Variants in CACNA1G observed in about 807,000 individuals in gnomAD.
The protein encoded by CACNA1G is calcium voltage-gated channel subunit alpha1 G, also known as voltage-dependent T-type calcium channel subunit alpha-1G.
A neutral mutation model predicts 219.4 loss-of-function variants in CACNA1G; 67 were observed. The observed-to-expected ratio is 0.31, with a 90% CI of 0.25 to 0.37. The LOEUF (loss-of-function observed/expected upper bound fraction) is 0.37, where lower values mean the gene tolerates loss of function less well. Ranked by LOEUF, CACNA1G falls within the 10% of genes least tolerant of loss-of-function variation. The pLI is 1.00. For missense variants in CACNA1G, 2,380 were observed against 3,231.4 expected (o/e 0.74, Z 6.39); for synonymous variants, 1,296 against 1,345.3 (o/e 0.96, Z 0.80).
intron 9 of CACNA1G, among the ~76,000 whole-genome samples, chr17:50,585,248 C>T (rs1381222624): frequency 5.9e-5 from 9 of 152,258 alleles, no homozygotes; most frequent in Middle Eastern, 6.8e-3. Flanking sequence ...TGGGCTCAAG[C>T]GATCCTCCCA....
Position 50,624,342 on chromosome 17 carries a change from GC to G in CACNA1G, c.6230-17del. ...CATTCTCTCCCCCCACCCCTCCCCCGCTTCCCTCCCTCCACAGGCTCCGTCT... is the reference window on the plus strand; with the variant it reads ...CATTCTCTCCCCCCACCCCTCCCCCGTTCCCTCCCTCCACAGGCTCCGTCT... On this transcript the variant is annotated splice_polypyrimidine_tract_variant and intron_variant, in intron 36 of 37. Coordinates refer to ENST00000359106, the MANE Select transcript of CACNA1G (RefSeq NM_018896.5). 1.4e-6 allele frequency: 1 copy of G among 693,012 alleles called. No homozygotes were observed. The allele number at this position is 693,012 out of a possible 1,614,324, so 42.9% of individuals were successfully genotyped here. A position where few individuals can be genotyped will look rare whatever the true frequency, so the allele number is the denominator to read the frequency against.
At chr17:50,581,126 C>T (rs949681803) in intron 9 of CACNA1G, among the ~76,000 whole-genome samples, 7 of 151,164 alleles carry the variant, frequency 4.6e-5, no homozygotes, top group East Asian at 2.0e-4. Context: ...AAGAGAGACG[C>T]GCAGGCAGGG....
chr17:50,589,934 G>C (rs1329084965), intron 9 of CACNA1G, among the ~76,000 whole-genome samples: 1 of 151,786 alleles, frequency 6.6e-6, no homozygotes, highest in Non-Finnish European at 1.5e-5. Flanking sequence ...GTGTGTGTGT[G>C]TGTGTGTGTG....
At chr17:50,570,401 C>T (rs1370178300) in intron 4 of CACNA1G, among the ~76,000 whole-genome samples, 2 of 152,186 alleles carry the variant, frequency 1.3e-5, no homozygotes, top group African/African-American at 2.4e-5. Context: ...ATACTGCCCC[C>T]TCCCTTTGCT....
At chr17:50,588,013 A>G (rs879708871) in intron 9 of CACNA1G, among the ~76,000 whole-genome samples, 3 of 152,294 alleles carry the variant, frequency 2.0e-5, no homozygotes, top group Non-Finnish European at 2.9e-5. Flanking sequence ...GAGTAAATAC[A>G]TGACATCAAA....
At chr17:50,606,784 C>T (rs2048056682) in intron 23 of CACNA1G, 116 bp from the exon 24 acceptor site, 4 of 728,884 alleles carry the variant, frequency 5.5e-6, no homozygotes, top group Non-Finnish European at 1.0e-5. Context: ...TCCAGCTTGA[C>T]CCCTCAAGGG....
intron 10 of CACNA1G, 43 bp from the exon 11 acceptor site, chr17:50,591,392 G>A: frequency 6.8e-7 from 1 of 1,481,288 alleles, no homozygotes; most frequent in Non-Finnish European, 9.0e-7. Flanking sequence ...TAGGGGGAGA[G>A]GGTGAAGGTG....
At chr17:50,595,370 C>G (rs912927950) in intron 14 of CACNA1G, among the ~76,000 whole-genome samples, 1 of 152,242 alleles carries the variant, frequency 6.6e-6, no homozygotes, top group African/African-American at 2.4e-5. Flanking sequence ...GTGTGTGGGG[C>G]ACCCCGTGTG....
chr17:50,601,248 G>A, intron 19 of CACNA1G, 74 bp downstream of exon 19: 1 of 1,564,664 alleles, frequency 6.4e-7, no homozygotes, highest in Non-Finnish European at 8.7e-7. Flanking sequence ...GAGGCAAGGA[G>A]GCCACAGTTG....
Position 50,595,062 on chromosome 17 carries a change from G to T in CACNA1G, c.2979+1G>T, listed in dbSNP as rs1270287011. 4 of 1,552,206 alleles carry T rather than the reference G, an allele frequency of 2.6e-6. No homozygotes were observed. Among genetic ancestry groups the T allele is most frequent in the Non-Finnish European group, 2.6e-6 (3 of 1,147,518 alleles). ...TCAGCTGCCTGTCGACTCCCAGGGG[G>T]TAGGTACGCGATCATGAGCCGGCAT... On this transcript the variant is annotated splice_donor_variant, in intron 14 of 37. Transcript: ENST00000359106. LOFTEE classifies it high-confidence loss of function.
intron 7 of CACNA1G, among the ~76,000 whole-genome samples, chr17:50,574,055 G>A (rs1195959238): frequency 6.6e-6 from 1 of 152,188 alleles, no homozygotes; most frequent in Non-Finnish European, 1.5e-5. Context: ...AACATCTGCT[G>A]CCTGTTTAAT....
rs1437843776 is a variant in CACNA1G at position 50,621,808 on chromosome 17, G to A, written c.6060+14G>A. The A allele has an allele frequency of 6.2e-7, 1 of 1,612,766 alleles. No individual in the cohort carries two copies. Among genetic ancestry groups the A allele is most frequent in the African/African-American group, 1.3e-5 (1 of 74,910 alleles). On this transcript the variant is annotated intron_variant, in intron 35 of 37. Coordinates refer to ENST00000359106, the MANE Select transcript of CACNA1G (RefSeq NM_018896.5). The surrounding 1 kb of genome is among the most constrained non-coding windows in gnomAD (Gnocchi z 4.6). ...CTGGAGAGCAATGTACATACACACTGCCCTCACTGCTCCCGGCCACCCCCG... is the reference window on the plus strand; with the variant it reads ...CTGGAGAGCAATGTACATACACACTACCCTCACTGCTCCCGGCCACCCCCG...
rs191536113 is a variant in CACNA1G at position 50,600,157 on chromosome 17, C to A, written c.3690+298C>A. Among the ~76,000 whole-genome samples the A allele has an allele frequency of 6.6e-6, 1 of 152,252 alleles. No homozygotes were observed. Among genetic ancestry groups the A allele is most frequent in the Admixed American group, 6.5e-5 (1 of 15,308 alleles). On this transcript the variant is annotated intron_variant, in intron 17 of 37. Transcript: ENST00000359106. The surrounding 1 kb of genome is among the most constrained non-coding windows in gnomAD (Gnocchi z 4.1). ...CCCCCTGTGACTCAGAAAGACCCAT[C>A]ACTCATCTCTCCAAACTGATGCCCC... is the stretch of plus-strand genomic sequence containing the variant.
intron 19 of CACNA1G, among the ~76,000 whole-genome samples, chr17:50,601,560 C>T (rs372979868): frequency 7.2e-5 from 11 of 152,286 alleles, no homozygotes; most frequent in South Asian, 4.1e-4. Flanking sequence ...CCATGGAAGC[C>T]GTTCTTTGCT....
intron 16 of CACNA1G, among the ~76,000 whole-genome samples, chr17:50,598,583 G>T (rs891245084): frequency 7.2e-5 from 11 of 152,176 alleles, no homozygotes; most frequent in African/African-American, 2.7e-4. Context: ...GGACACAAGG[G>T]TTCCCTTTTC....
At position 50,571,624 on chromosome 17, in the gene CACNA1G, C is replaced by T. The variant is rs2039458574; in HGVS notation, c.587-254C>T. ...ATGTTGGGAGAGTTAGGAGGGGCCA[C>T]AGTTTCCCCAGCTCACTGTTGGTGG... On this transcript the variant is annotated intron_variant, in intron 4 of 37. Transcript: ENST00000359106. This position sits in a 1 kb window ranked among gnomAD's most constrained non-coding sequence, Gnocchi z 4.3. 6.6e-6 allele frequency among the ~76,000 whole-genome samples: 1 copy of T among 152,228 alleles called. No homozygotes were observed. Among genetic ancestry groups the T allele is most frequent in the Non-Finnish European group, 1.5e-5 (1 of 68,038 alleles).
At position 50,603,932 on chromosome 17, in the gene CACNA1G, G is replaced by A. The variant is rs2047366983; in HGVS notation, c.4170-223G>A. 6.6e-6 allele frequency among the ~76,000 whole-genome samples: 1 copy of A among 152,178 alleles called. No individual in the cohort carries two copies. ...ACAGGTCGTACATTTGACATCCTGGGATGGAGGTGGAGATGTGGGGCATGG... is the reference window on the plus strand; with the variant it reads ...ACAGGTCGTACATTTGACATCCTGGAATGGAGGTGGAGATGTGGGGCATGG... On this transcript the variant is annotated intron_variant, in intron 21 of 37. Coordinates refer to ENST00000359106, the MANE Select transcript of CACNA1G (RefSeq NM_018896.5). The surrounding 1 kb of genome is among the most constrained non-coding windows in gnomAD (Gnocchi z 6.4).
At chr17:50,581,955 T>C (rs1286232333) in intron 9 of CACNA1G, among the ~76,000 whole-genome samples, 5 of 152,080 alleles carry the variant, frequency 3.3e-5, no homozygotes, top group Non-Finnish European at 5.9e-5. Context: ...TTTGCCAATT[T>C]CCATGGTGTA....
At chr17:50,592,946 G>A (rs935685368) in intron 13 of CACNA1G, among the ~76,000 whole-genome samples, 2 of 152,162 alleles carry the variant, frequency 1.3e-5, no homozygotes, top group African/African-American at 4.8e-5. Context: ...TCTATTTTCC[G>A]ACTCTTTCCC....
Sources: gnomAD v4.1 joint callset for allele counts (sites outside exome capture counted in the v4.1 genomes callset) on GRCh38, gnomAD v4.1.1 for gene constraint, Gnocchi (gnomAD v3.1) non-coding constraint, MANE v1.5 for transcripts, NCBI Gene and HGNC (gene_info 2026-07-23, HGNC 2026-07-21) for gene names.